SLC9A9: variants seen among roughly 807,000 people sequenced by gnomAD.
SLC9A9 encodes the protein solute carrier family 9 member A9, also known as sodium/hydrogen exchanger 9.
A neutral mutation model predicts 77.8 loss-of-function variants in SLC9A9; 62 were observed. The observed-to-expected ratio is 0.80, with a 90% CI of 0.65 to 0.98. The LOEUF (loss-of-function observed/expected upper bound fraction) is 0.98. SLC9A9 is among the 50% of genes least tolerant of loss of function. SLC9A9 has a pLI of 0.00. For missense variants in SLC9A9, 775 were observed against 774.9 expected (o/e 1.00, Z 0.00); for synonymous variants, 320 against 283.5 (o/e 1.13, Z -1.29).
chr3:143,844,280 C>T (rs778245690), intron 1 of SLC9A9, among the ~76,000 whole-genome samples: 1 of 152,100 alleles, frequency 6.6e-6, no homozygotes, highest in Non-Finnish European at 1.5e-5. Context: ...ATTTTTTAAA[C>T]TGCTTGTTTT....
chr3:143,397,059 A>T (rs1254289249), intron 12 of SLC9A9, among the ~76,000 whole-genome samples: 3 of 152,216 alleles, frequency 2.0e-5, no homozygotes, highest in African/African-American at 7.2e-5. Flanking sequence ...TTGAGTTTGA[A>T]GTACTTAGCT....
At chr3:143,464,812 T>G (rs1238176026) in intron 12 of SLC9A9, among the ~76,000 whole-genome samples, 4 of 152,214 alleles carry the variant, frequency 2.6e-5, no homozygotes, top group African/African-American at 9.6e-5. Context: ...CTGATGTTCA[T>G]TCAAGTTTGA....
intron 14 of SLC9A9, among the ~76,000 whole-genome samples, chr3:143,362,423 T>C (rs764512573): frequency 2.0e-5 from 3 of 152,212 alleles, no homozygotes; most frequent in Non-Finnish European, 4.4e-5. Flanking sequence ...AATCTTCAAT[T>C]GGTTTCTCTT....
At chr3:143,477,357 C>T (rs1477852083) in intron 11 of SLC9A9, among the ~76,000 whole-genome samples, 1 of 132,626 alleles carries the variant, frequency 7.5e-6, no homozygotes, top group Non-Finnish European at 1.6e-5. Context: ...TCCCCCTCCC[C>T]CCGCCGCCCC....
At chr3:143,620,955 G>T (rs574477631) in intron 6 of SLC9A9, among the ~76,000 whole-genome samples, 16 of 152,146 alleles carry the variant, frequency 1.1e-4, no homozygotes, top group Admixed American at 2.6e-4. Context: ...CAAACGGCAC[G>T]CCAGGAGATT....
chr3:143,461,748 T>C (rs1218743296), intron 12 of SLC9A9, among the ~76,000 whole-genome samples: 3 of 152,170 alleles, frequency 2.0e-5, no homozygotes, highest in Admixed American at 6.5e-5. Flanking sequence ...TAAACCCACA[T>C]GAAACTTTGA....
At chr3:143,544,295 C>G (rs548295735) in intron 9 of SLC9A9, among the ~76,000 whole-genome samples, 2 of 152,182 alleles carry the variant, frequency 1.3e-5, no homozygotes, top group East Asian at 3.9e-4. Context: ...GGTGCGATCT[C>G]GGTTCACTGC....
At chr3:143,623,221 C>A (rs936805821) in intron 6 of SLC9A9, among the ~76,000 whole-genome samples, 6 of 152,172 alleles carry the variant, frequency 3.9e-5, no homozygotes, top group Non-Finnish European at 5.9e-5. Flanking sequence ...AGAAAATTAA[C>A]AAGGATATCC....
intron 1 of SLC9A9, among the ~76,000 whole-genome samples, chr3:143,833,345 CA>C (rs2009486592): frequency 6.6e-6 from 1 of 152,170 alleles, no homozygotes; most frequent in African/African-American, 2.4e-5. Context: ...CCCAGTCTTA[CA>C]GGAGCTCGTT....
At chr3:143,291,393 G>A (rs2029963760) in intron 14 of SLC9A9, among the ~76,000 whole-genome samples, 1 of 152,210 alleles carries the variant, frequency 6.6e-6, no homozygotes. Context: ...GAGCTCAGGT[G>A]GTGGAAGGCC....
At chr3:143,449,768 A>G (rs1245924515) in intron 12 of SLC9A9, among the ~76,000 whole-genome samples, 1 of 83,410 alleles carries the variant, frequency 1.2e-5, no homozygotes, top group African/African-American at 5.2e-5. Context: ...AGTATATATA[A>G]TTATATATAT....
rs368821608 is a variant in SLC9A9, at chr3:143,742,473, A to G, written c.534-49166T>C. Among the ~76,000 whole-genome samples the G allele has an allele frequency of 1.8e-4, 28 of 152,334 alleles. No homozygotes were observed. The South Asian group carries it at 5.4e-3, about 29-fold the overall frequency. ...TCTTGGGTGGTTACACCATAACCCC[A>G]GTCTAATCATGAAAAAATATCATAT... On this transcript the variant is annotated intron_variant, in intron 4 of 15. Transcript: ENST00000316549.
At chr3:143,398,013 C>A (rs1245047896) in intron 12 of SLC9A9, among the ~76,000 whole-genome samples, 1 of 152,058 alleles carries the variant, frequency 6.6e-6, no homozygotes, top group Non-Finnish European at 1.5e-5. Context: ...TAGAAGGCAA[C>A]AACAAAGTTT....
At chr3:143,760,138 AT>A (rs1347551435) in intron 4 of SLC9A9, among the ~76,000 whole-genome samples, 3 of 152,300 alleles carry the variant, frequency 2.0e-5, no homozygotes, top group East Asian at 1.9e-4. Flanking sequence ...GGTTAAAAAA[AT>A]AATAACCGTA....
intron 9 of SLC9A9, among the ~76,000 whole-genome samples, chr3:143,530,392 G>C (rs965395681): frequency 1.3e-5 from 2 of 152,120 alleles, no homozygotes; most frequent in Admixed American, 1.3e-4. Flanking sequence ...CCTTTCGCTT[G>C]GCTATCATTC....
At chr3:143,427,639 T>A (rs190765861) in intron 12 of SLC9A9, among the ~76,000 whole-genome samples, 1 of 152,354 alleles carries the variant, frequency 6.6e-6, no homozygotes, top group East Asian at 1.9e-4. Flanking sequence ...ACATAGATAC[T>A]ACAACTGAGC....
chr3:143,490,441 G>A (rs2035721715), intron 11 of SLC9A9, among the ~76,000 whole-genome samples: 2 of 152,084 alleles, frequency 1.3e-5, no homozygotes, highest in Non-Finnish European at 2.9e-5. Context: ...AATACTATAT[G>A]ATTCCACTTA....
intron 14 of SLC9A9, among the ~76,000 whole-genome samples, chr3:143,312,651 T>TC (rs2031060056): frequency 1.3e-5 from 2 of 152,230 alleles, no homozygotes; most frequent in African/African-American, 4.8e-5. Flanking sequence ...GGCAACTCTC[T>TC]CCTAGGGTAG....
At chr3:143,601,228 G>C (rs151034167) in intron 6 of SLC9A9, among the ~76,000 whole-genome samples, 164 of 152,262 alleles carry the variant, frequency 1.1e-3, no homozygotes, top group African/African-American at 3.8e-3. Context: ...AGATATGCAA[G>C]TGAATATGAC....
Sources: allele counts gnomAD v4.1 joint callset (sites outside exome capture counted in the v4.1 genomes callset), GRCh38; gene constraint gnomAD v4.1.1; transcripts MANE v1.5; gene names NCBI Gene and HGNC (gene_info 2026-07-23, HGNC 2026-07-21).